The following USP46 variants were observed in gnomAD, a reference collection of about 807,000 sequenced individuals.
USP46 encodes the protein ubiquitin specific peptidase 46.
A neutral mutation model predicts 44.4 loss-of-function variants in USP46; 12 were observed. That is an observed-to-expected ratio of 0.27 (90% CI 0.17 to 0.44). USP46 has a LOEUF of 0.44. USP46 is among the 20% of genes least tolerant of loss of function. The pLI is 1.00. For synonymous variants in USP46, 155 were observed against 161.5 expected, an observed-to-expected ratio of 0.96 and a Z score of 0.31; for missense variants, 248 against 444.8, an observed-to-expected ratio of 0.56 and a Z score of 3.98.
intron 1 of USP46, among the ~76,000 whole-genome samples, chr4:52,632,042 G>A (rs1006880640): frequency 2.0e-5 from 3 of 151,654 alleles, no homozygotes; most frequent in African/African-American, 4.8e-5. Flanking sequence ...GAAGGGGAAG[G>A]GGAAAGGGAA....
rs772589005 is a variant in USP46 at position 52,594,695 on chromosome 4, T to A, written c.*2945A>T. On this transcript the variant is annotated 3_prime_UTR_variant, in exon 9 of 9. Coordinates refer to ENST00000441222, the MANE Select transcript of USP46 (RefSeq NM_022832.4). ...GCTCCAGTTAGAACATAGATCATTA[T>A]TAGGCATGCCCATGAAATTAAGGGT... The A allele has an allele frequency of 1.2e-4, 18 of 152,214 alleles. No homozygotes were observed. Among genetic ancestry groups the A allele is most frequent in the Admixed American group, 3.9e-4 (6 of 15,276 alleles). 9.4% of individuals were successfully genotyped at this position (152,214 alleles called of 1,614,324 possible). A position where few individuals can be genotyped will look rare whatever the true frequency, so the allele number is the denominator to read the frequency against.
At chr4:52,619,791 T>G (rs915023329) in intron 4 of USP46, among the ~76,000 whole-genome samples, 3 of 152,086 alleles carry the variant, frequency 2.0e-5, no homozygotes, top group Non-Finnish European at 4.4e-5. Context: ...TAGGATATCA[T>G]AGAAGGGACT....
chr4:52,613,775 C>A (rs1008257605), intron 4 of USP46, among the ~76,000 whole-genome samples: 1 of 151,374 alleles, frequency 6.6e-6, no homozygotes, highest in Non-Finnish European at 1.5e-5. Context: ...AGAGTCTCTG[C>A]CACTTAACAT....
intron 7 of USP46, among the ~76,000 whole-genome samples, chr4:52,599,364 C>A (rs971639700): frequency 6.6e-6 from 1 of 151,954 alleles, no homozygotes; most frequent in Non-Finnish European, 1.5e-5. Flanking sequence ...GCGAGTAGCA[C>A]TTGGTGTGTT....
At chr4:52,622,513 CAACTA>C (rs1560400496) in intron 4 of USP46, among the ~76,000 whole-genome samples, 1 of 151,988 alleles carries the variant, frequency 6.6e-6, no homozygotes, top group Non-Finnish European at 1.5e-5. Context: ...TTTATTCACT[CAACTA>C]TTTATTAATT....
intron 1 of USP46, chr4:52,656,242 G>A: frequency 6.5e-7 from 1 of 1,534,014 alleles, no homozygotes; most frequent in Non-Finnish European, 8.8e-7. Flanking sequence ...GGAAGGGTCA[G>A]TAAGAGGCCC....
intron 1 of USP46, among the ~76,000 whole-genome samples, chr4:52,649,229 A>C (rs1718666664): frequency 6.6e-6 from 1 of 152,256 alleles, no homozygotes. Context: ...TTGCACTTTG[A>C]GCAAACAGAA....
At chr4:52,652,531 T>C (rs1180359145) in intron 1 of USP46, among the ~76,000 whole-genome samples, 1 of 152,216 alleles carries the variant, frequency 6.6e-6, no homozygotes, top group Non-Finnish European at 1.5e-5. Context: ...ATAGCATATT[T>C]ATATAATGGA....
At chr4:52,647,358 T>A (rs1157017245) in intron 1 of USP46, among the ~76,000 whole-genome samples, 1 of 152,194 alleles carries the variant, frequency 6.6e-6, no homozygotes, top group Non-Finnish European at 1.5e-5. Flanking sequence ...GAGATAAGAA[T>A]TGGACACTGG....
chr4:52,653,993 A>G (rs1046933309), intron 1 of USP46, among the ~76,000 whole-genome samples: 1 of 152,246 alleles, frequency 6.6e-6, no homozygotes, highest in Non-Finnish European at 1.5e-5. Flanking sequence ...TGAAGCACAT[A>G]AAGTTGTTAT....
intron 1 of USP46, 148 bp downstream of exon 1, chr4:52,658,967 C>G: frequency 1.0e-6 from 1 of 953,236 alleles, no homozygotes; most frequent in African/African-American, 1.8e-5. Flanking sequence ...GCTGCGGCCG[C>G]GCGCCCAGCT....
chr4:52,658,760 C>A (rs1048901710), intron 1 of USP46, among the ~76,000 whole-genome samples: 2 of 152,194 alleles, frequency 1.3e-5, no homozygotes, highest in African/African-American at 4.8e-5. Flanking sequence ...GATGGGTGCC[C>A]CCCACCTCCA....
At chr4:52,621,517 G>A (rs949113947) in intron 4 of USP46, among the ~76,000 whole-genome samples, 19 of 152,044 alleles carry the variant, frequency 1.2e-4, no homozygotes, top group African/African-American at 3.6e-4. Flanking sequence ...TTAGCCGGGC[G>A]TGGTGGTGCA....
In USP46 at chr4:52,610,603, A is replaced by G; in HGVS notation, c.576T>C (p.Asp192=). 6.2e-7 allele frequency: 1 copy of G among 1,613,952 alleles called. No homozygotes were observed. Among genetic ancestry groups the G allele is most frequent in the East Asian group, 2.2e-5 (1 of 44,870 alleles). ...CLNCETVSSK[D]EDFLDLSVDV... is the part of the protein sequence containing the mutation. ...CAACAGAAAGGTCAAGAAAATCTTC[A>G]TCTTTGCTACTAACCTGAAACAAAA... The change falls in exon 5 of 9, where the codon GAT becomes GAC. Residue 192 remains aspartate, a synonymous_variant. Transcript: ENST00000441222.
At chr4:52,626,298 G>A in intron 3 of USP46, 51 bp from the exon 4 acceptor site, 1 of 1,482,138 alleles carries the variant, frequency 6.7e-7, no homozygotes, top group Non-Finnish European at 9.2e-7. Context: ...AAAAGCAAAT[G>A]GATGTAATTA....
intron 1 of USP46, among the ~76,000 whole-genome samples, chr4:52,650,546 G>C (rs894194431): frequency 6.6e-6 from 1 of 152,138 alleles, no homozygotes; most frequent in Non-Finnish European, 1.5e-5. Context: ...AAGAGTTAGT[G>C]CTGTTTTTAC....
In USP46 at chr4:52,628,074, C is replaced by T. The variant is rs28503210; in HGVS notation, c.207G>A (p.Gln69=). The T allele has an allele frequency of 6.7e-3, 10,894 of 1,613,940 alleles. 128 individuals carry two copies. Among genetic ancestry groups the T allele is most frequent in the East Asian group, 0.05 (2,226 of 44,876 alleles). The change falls in exon 3 of 9, where the codon CAG becomes CAA. Residue 69 remains glutamine, a synonymous_variant. Transcript: ENST00000441222. ...TCAGCAAGTTTTCCTTCTTCTTTTG[C>T]TGGGCCTTGTATGCCAACACATTCT... The part of the protein sequence containing the change: ...FRENVLAYKA[Q]QKKKENLLTC...
intron 1 of USP46, chr4:52,658,027 G>T: frequency 3.0e-6 from 1 of 331,196 alleles, no homozygotes; most frequent in Non-Finnish European, 6.1e-6. Context: ...ATTCCCTTTA[G>T]GGGCCAGTAT....
intron 1 of USP46, among the ~76,000 whole-genome samples, chr4:52,631,591 G>C (rs1309878104): frequency 6.6e-6 from 1 of 152,170 alleles, no homozygotes; most frequent in East Asian, 1.9e-4. Context: ...CTGTTCTCTA[G>C]GTCTGGGCAT....
Sources: allele counts gnomAD v4.1 joint callset (sites outside exome capture counted in the v4.1 genomes callset), GRCh38; gene constraint gnomAD v4.1.1; transcripts MANE v1.5; gene names NCBI Gene and HGNC (gene_info 2026-07-23, HGNC 2026-07-21).